The following AK4 variants were observed in gnomAD, a reference collection of about 807,000 sequenced individuals.
AK4 encodes adenylate kinase 4.
In AK4, 13 loss-of-function variants were observed where a neutral mutation model predicts 24.6. The observed-to-expected ratio is 0.53, with a 90% CI of 0.34 to 0.84. The LOEUF is 0.84. Ranked by LOEUF, AK4 falls within the 40% of genes least tolerant of loss-of-function variation. The pLI, the probability that AK4 is intolerant of heterozygous loss-of-function variation, is 0.01. For synonymous variants in AK4, 88 were observed against 107.0 expected, an observed-to-expected ratio of 0.82 and a Z score of 1.10; for missense variants, 192 against 288.2, an observed-to-expected ratio of 0.67 and a Z score of 2.42.
chr1:65,202,183 G>A (rs1651680123), intron 2 of AK4, among the ~76,000 whole-genome samples: 1 of 151,840 alleles, frequency 6.6e-6, no homozygotes, highest in African/African-American at 2.4e-5. Flanking sequence ...GGATCACAAG[G>A]TCAGGAGATT....
Position 65,218,857 on chromosome 1 carries a change from C to T in AK4, c.369C>T (p.Leu123=). 2 of 1,607,458 alleles carry T rather than the reference C, an allele frequency of 1.2e-6. No homozygotes were observed. The highest frequency in any genetic ancestry group is 1.7e-6 in the Non-Finnish European group (2 of 1,177,014). ...CATTTGAAACACTTAAAGATCGTCT[C>T]AGCCGCCGTTGGATTCACCCTCCTA... The part of the protein sequence containing the change: ...NIPFETLKDR[L]SRRWIHPPSG... Residue 123 remains leucine (L), a synonymous_variant, in exon 3 of 5, where the codon CTC becomes CTT. Coordinates refer to ENST00000327299, the MANE Select transcript of AK4 (RefSeq NM_013410.4).
rs1420518909 is a variant in AK4 at position 65,229,491 on chromosome 1, A to C, written c.*3314A>C. 1.3e-5 allele frequency: 2 copies of C among 151,748 alleles called. No homozygotes were observed. The highest frequency in any genetic ancestry group is 2.9e-5 in the Non-Finnish European group (2 of 67,926). The allele number at this position is 151,748 out of a possible 1,614,324, so 9.4% of individuals were successfully genotyped here. On this transcript the variant is annotated 3_prime_UTR_variant, in exon 5 of 5. Transcript: ENST00000327299. ...CGAGGCTGCAGTGAGCTATGATTGC[A>C]CCTCTGCACCCAAGCCTGGGCGACA...
At chr1:65,195,101 C>T (rs1489893745) in intron 2 of AK4, among the ~76,000 whole-genome samples, 3 of 152,148 alleles carry the variant, frequency 2.0e-5, no homozygotes, top group Non-Finnish European at 4.4e-5. Flanking sequence ...CGATGGTTCT[C>T]ACATTTGTTG....
At chr1:65,201,392 T>C (rs1489789482) in intron 2 of AK4, among the ~76,000 whole-genome samples, 2 of 152,172 alleles carry the variant, frequency 1.3e-5, no homozygotes, top group Non-Finnish European at 1.5e-5. Flanking sequence ...CACAGTATAG[T>C]AGACAATGGT....
In AK4 at chr1:65,148,224, C is replaced by G. The variant is rs545648428; in HGVS notation, c.-184C>G. Reference sequence around the variant, plus strand: ...GCTCAGTCCGCCTGCTACTCGGTCCCGGCGCTGGGCTGAGGGGAGGGGTTG... The same window carrying G: ...GCTCAGTCCGCCTGCTACTCGGTCCGGGCGCTGGGCTGAGGGGAGGGGTTG... On this transcript the variant is annotated 5_prime_UTR_variant, in exon 1 of 5. Coordinates refer to ENST00000327299, the MANE Select transcript of AK4 (RefSeq NM_013410.4). 1.9e-4 allele frequency: 230 copies of G among 1,225,488 alleles called. No homozygotes were observed. In the South Asian group the frequency reaches 3.7e-3, roughly 20 times the overall value. 75.9% of individuals were successfully genotyped at this position (1,225,488 alleles called of 1,614,324 possible). A position where few individuals can be genotyped will look rare whatever the true frequency, so the allele number is the denominator to read the frequency against.
intron 1 of AK4, among the ~76,000 whole-genome samples, chr1:65,168,238 C>T (rs1315711503): frequency 6.6e-6 from 1 of 151,618 alleles, no homozygotes; most frequent in Non-Finnish European, 1.5e-5. Flanking sequence ...ACTCCGCCTC[C>T]CGGGTTCAAG....
chr1:65,223,913 A>C (rs1463662482), intron 3 of AK4, among the ~76,000 whole-genome samples: 1 of 152,140 alleles, frequency 6.6e-6, no homozygotes, highest in African/African-American at 2.4e-5. Flanking sequence ...GAATCACTTG[A>C]ACCCGGGAGG....
intron 2 of AK4, among the ~76,000 whole-genome samples, chr1:65,211,161 G>T (rs924638622): frequency 6.6e-6 from 1 of 152,206 alleles, no homozygotes; most frequent in Non-Finnish European, 1.5e-5. Flanking sequence ...GAGGCAACAG[G>T]ATTGTTTGAG....
intron 1 of AK4, among the ~76,000 whole-genome samples, chr1:65,179,391 A>T (rs1650824704): frequency 6.6e-6 from 1 of 152,218 alleles, no homozygotes; most frequent in Admixed American, 6.5e-5. Flanking sequence ...ACTTGCTTGA[A>T]GTTGAGTCTG....
At chr1:65,183,029 A>G (rs2101028534) in intron 1 of AK4, among the ~76,000 whole-genome samples, 1 of 152,282 alleles carries the variant, frequency 6.6e-6, no homozygotes, top group East Asian at 1.9e-4. Context: ...TGAGCTCTGG[A>G]ACAGGCCTCA....
chr1:65,222,354 G>C, intron 3 of AK4, among the ~76,000 whole-genome samples: 1 of 152,144 alleles, frequency 6.6e-6, no homozygotes, highest in East Asian at 1.9e-4. Flanking sequence ...TCTGCAGCTC[G>C]ACTTTACAGG....
At chr1:65,190,585 C>G in intron 1 of AK4, 125 bp from the exon 2 acceptor site, 1 of 1,129,538 alleles carries the variant, frequency 8.9e-7, no homozygotes, top group Non-Finnish European at 1.2e-6. Context: ...TAAAACATGT[C>G]TACAACTTCC....
At chr1:65,173,893 G>A (rs1488327618) in intron 1 of AK4, among the ~76,000 whole-genome samples, 1 of 151,986 alleles carries the variant, frequency 6.6e-6, no homozygotes, top group African/African-American at 2.4e-5. Context: ...CTTAGCTGAG[G>A]TGGTTGTATT....
intron 1 of AK4, among the ~76,000 whole-genome samples, chr1:65,189,125 G>A (rs558221838): frequency 6.6e-6 from 1 of 151,392 alleles, no homozygotes; most frequent in East Asian, 2.0e-4. Context: ...AGTAGAGATG[G>A]TATTTCACCA....
At chr1:65,153,378 T>G (rs1220052419) in intron 1 of AK4, among the ~76,000 whole-genome samples, 1 of 152,148 alleles carries the variant, frequency 6.6e-6, no homozygotes, top group Admixed American at 6.6e-5. Context: ...CAAGTGATTG[T>G]CTTACCTCAG....
At chr1:65,191,586 A>C (rs960855445) in intron 2 of AK4, among the ~76,000 whole-genome samples, 21 of 151,400 alleles carry the variant, frequency 1.4e-4, no homozygotes, top group African/African-American at 4.9e-4. Flanking sequence ...AACAGGGTGA[A>C]AGGGGAATGA....
At chr1:65,164,333 A>G (rs530264922) in intron 1 of AK4, among the ~76,000 whole-genome samples, 8 of 152,180 alleles carry the variant, frequency 5.3e-5, no homozygotes, top group African/African-American at 1.7e-4. Context: ...CTCAGTTATA[A>G]TTTTGCAAAG....
intron 1 of AK4, chr1:65,154,372 G>A (rs1173195905): frequency 1.1e-5 from 4 of 354,940 alleles, no homozygotes; most frequent in South Asian, 8.4e-5. Context: ...CCAATCTTTT[G>A]TGGAACATTT....
chr1:65,163,195 G>A (rs112616944), intron 1 of AK4, among the ~76,000 whole-genome samples: 25 of 152,292 alleles, frequency 1.6e-4, no homozygotes, highest in African/African-American at 5.8e-4. Context: ...GTTATCCAAA[G>A]CAGCTGCATC....
Sources: gnomAD v4.1 joint callset for allele counts (sites outside exome capture counted in the v4.1 genomes callset) on GRCh38, gnomAD v4.1.1 for gene constraint, MANE v1.5 for transcripts, NCBI Gene and HGNC (gene_info 2026-07-23, HGNC 2026-07-21) for gene names.